The following CD8B2 variants were observed in gnomAD, a reference collection of about 807,000 sequenced individuals.
The protein encoded by CD8B2 is T-cell surface glycoprotein CD8 beta-2 chain.
A neutral mutation model predicts 23.7 loss-of-function variants in CD8B2; 11 were observed. The ratio of observed to expected loss-of-function variants is 0.46; its 90% CI spans 0.29 to 0.77. CD8B2 has a LOEUF of 0.77. Ranked by LOEUF, CD8B2 falls within the 30% of genes least tolerant of loss-of-function variation. The probability of loss-of-function intolerance (pLI) is 0.09; values close to 1 mark genes in which losing one functional copy is unlikely to be tolerated. For synonymous variants in CD8B2, 90 were observed against 109.3 expected, an observed-to-expected ratio of 0.82 and a Z score of 1.10; for missense variants, 197 against 270.5, an observed-to-expected ratio of 0.73 and a Z score of 1.91.
chr2:106,492,240 C>T (rs1323333905), intron 2 of CD8B2, among the ~76,000 whole-genome samples: 2 of 152,114 alleles, frequency 1.3e-5, no homozygotes, highest in Admixed American at 6.6e-5. Context: ...AGAGAAGCTG[C>T]AGACCTCTGA....
intron 2 of CD8B2, among the ~76,000 whole-genome samples, chr2:106,494,217 G>A (rs555650233): frequency 3.3e-5 from 5 of 150,040 alleles, no homozygotes; most frequent in Admixed American, 1.3e-4. Flanking sequence ...GCAGGATCTT[G>A]GCTGACTGCA....
intron 5 of CD8B2, among the ~76,000 whole-genome samples, chr2:106,528,551 A>G (rs372720048): frequency 6.6e-6 from 1 of 152,252 alleles, no homozygotes; most frequent in East Asian, 1.9e-4. Flanking sequence ...AAGAGAGATC[A>G]TTAGATGAGC....
chr2:106,533,231 A>G (rs1680018040), intron 5 of CD8B2, among the ~76,000 whole-genome samples: 1 of 152,162 alleles, frequency 6.6e-6, no homozygotes, highest in South Asian at 2.1e-4. Context: ...TTGCAGATGG[A>G]TAGGGCTCAG....
chr2:106,520,534 C>T (rs1372800341), intron 5 of CD8B2, among the ~76,000 whole-genome samples: 3 of 152,140 alleles, frequency 2.0e-5, no homozygotes, highest in East Asian at 1.9e-4. Flanking sequence ...CGATAATATC[C>T]GAGGTTTGTT....
chr2:106,489,292 C>A (rs1679146003), intron 1 of CD8B2, among the ~76,000 whole-genome samples: 1 of 151,776 alleles, frequency 6.6e-6, no homozygotes, highest in Non-Finnish European at 1.5e-5. Context: ...CATGAGCCAC[C>A]ACACCCGGCC....
intron 5 of CD8B2, among the ~76,000 whole-genome samples, chr2:106,518,923 T>C (rs553012249): frequency 6.6e-6 from 1 of 151,814 alleles, no homozygotes; most frequent in South Asian, 2.1e-4. Context: ...CATCCCTCCA[T>C]CCCTCCACTC....
chr2:106,515,756 C>CAACAGG (rs1679719188), downstream of CD8B2, among the ~76,000 whole-genome samples: 1 of 152,146 alleles, frequency 6.6e-6, no homozygotes, highest in African/African-American at 2.4e-5. Context: ...GGATCAACAG[C>CAACAGG]ATCAAGAAAT....
chr2:106,491,742 T>G (rs1679200663), intron 2 of CD8B2, among the ~76,000 whole-genome samples: 1 of 152,086 alleles, frequency 6.6e-6, no homozygotes, highest in South Asian at 2.1e-4. Context: ...GGAGACGAGA[T>G]TTCACCATGT....
chr2:106,491,061 A>AG lies in CD8B2; in HGVS notation c.234dup (p.Thr79AspfsTer5). The AG allele has an allele frequency of 6.2e-7, 1 of 1,613,976 alleles. No individual in the cohort carries two copies. The highest frequency in any genetic ancestry group is 1.7e-5 in the Admixed American group (1 of 60,024). On this transcript the variant is annotated frameshift_variant, in exon 2 of 6. Coordinates refer to ENST00000643224, the MANE Select transcript of CD8B2 (RefSeq NM_001349727.2). LOFTEE classifies it high-confidence loss of function. ...TCCTGACCCTCTGGGATTCCGCAAAAGGGACTATCCACGGTGAAGAGGTGG... is the reference window on the plus strand; with the variant it reads ...TCCTGACCCTCTGGGATTCCGCAAAAGGGGACTATCCACGGTGAAGAGGTGG...
intron 5 of CD8B2, among the ~76,000 whole-genome samples, chr2:106,516,213 T>C (rs751023544): frequency 6.6e-6 from 1 of 152,156 alleles, no homozygotes; most frequent in Non-Finnish European, 1.5e-5. Flanking sequence ...CACTTCTGTC[T>C]GTGCATTCCT....
chr2:106,524,311 C>T (rs1227661099), intron 5 of CD8B2, among the ~76,000 whole-genome samples: 5 of 152,102 alleles, frequency 3.3e-5, no homozygotes, highest in African/African-American at 7.2e-5. Flanking sequence ...TTCTGATGCC[C>T]GAGGCCTGGG....
At chr2:106,542,666 T>C (rs1680193526) in intron 5 of CD8B2, among the ~76,000 whole-genome samples, 1 of 148,228 alleles carries the variant, frequency 6.7e-6, no homozygotes. Context: ...GTATATATTA[T>C]ATATGAAGTA....
chr2:106,495,814 C>A (rs2104552945), intron 2 of CD8B2, among the ~76,000 whole-genome samples: 1 of 152,274 alleles, frequency 6.6e-6, no homozygotes, highest in Non-Finnish European at 1.5e-5. Flanking sequence ...TTTATTTGCT[C>A]TTGAGACAGG....
rs897759915 is a variant in CD8B2, at chr2:106,491,056, G to C, written c.226G>C (p.Ala76Pro). ...HHEFLTLWDS[A>P]KGTIHGEEVE... Reference sequence around the variant, plus strand: ...CGAGTTCCTGACCCTCTGGGATTCCGCAAAAGGGACTATCCACGGTGAAGA... The same window carrying C: ...CGAGTTCCTGACCCTCTGGGATTCCCCAAAAGGGACTATCCACGGTGAAGA... The change falls in exon 2 of 6, where the codon GCA (alanine) becomes CCA (proline). Residue 76 changes from alanine to proline, a missense_variant. Ala to Pro is a conservative substitution (Grantham distance 27). Around this residue, in one of 3 missense-constraint regions of CD8B2, gnomAD observed 140 missense variants for 164.2 expected, o/e 0.85. Coordinates refer to ENST00000643224, the MANE Select transcript of CD8B2 (RefSeq NM_001349727.2). The C allele has an allele frequency of 6.2e-7, 1 of 1,613,846 alleles. No homozygotes were observed. Among genetic ancestry groups the C allele is most frequent in the South Asian group, 1.1e-5 (1 of 91,070 alleles).
intron 5 of CD8B2, among the ~76,000 whole-genome samples, chr2:106,543,555 A>T (rs986245846): frequency 6.6e-6 from 1 of 151,920 alleles, no homozygotes; most frequent in East Asian, 1.9e-4. Context: ...ATTAAACAAA[A>T]TAAAGAATAT....
At chr2:106,515,477 T>C (rs991775340), downstream of CD8B2, among the ~76,000 whole-genome samples, 2 of 152,188 alleles carry the variant, frequency 1.3e-5, no homozygotes, top group Admixed American at 1.3e-4. Flanking sequence ...ATGGGATTAG[T>C]GCCCTTAGAG....
chr2:106,538,820 C>T (rs1242004338), intron 5 of CD8B2, among the ~76,000 whole-genome samples: 1 of 152,092 alleles, frequency 6.6e-6, no homozygotes, highest in African/African-American at 2.4e-5. Flanking sequence ...CACACTGCCT[C>T]AAGGCTTCCC....
intron 1 of CD8B2, among the ~76,000 whole-genome samples, chr2:106,489,911 G>T (rs1421987095): frequency 6.6e-6 from 1 of 152,168 alleles, no homozygotes; most frequent in African/African-American, 2.4e-5. Context: ...GCTGGGTTCT[G>T]GGCCGGGTCT....
At chr2:106,505,356 C>T (rs1222191494) in intron 5 of CD8B2, among the ~76,000 whole-genome samples, 2 of 152,172 alleles carry the variant, frequency 1.3e-5, no homozygotes, top group Non-Finnish European at 2.9e-5. Flanking sequence ...GGAGACAGGG[C>T]TGGGTTTGAA....
Sources: gnomAD v4.1 joint callset for allele counts (sites outside exome capture counted in the v4.1 genomes callset) on GRCh38, gnomAD v4.1.1 for gene constraint, gnomAD v4.1.1 regional missense constraint, MANE v1.5 for transcripts, NCBI Gene and HGNC (gene_info 2026-07-23, HGNC 2026-07-21) for gene names.